Variants in ARHGEF7 observed in about 807,000 individuals in gnomAD.
ARHGEF7 encodes the protein Rho guanine nucleotide exchange factor 7, also known as PAK-interacting exchange factor beta.
In ARHGEF7, 33 loss-of-function variants were observed where a neutral mutation model predicts 109.8. That is an observed-to-expected ratio of 0.30 (90% CI 0.23 to 0.40). The LOEUF (loss-of-function observed/expected upper bound fraction) is 0.40. Ranked by LOEUF, ARHGEF7 falls within the 10% of genes least tolerant of loss-of-function variation. The pLI is 1.00. For synonymous variants in ARHGEF7, 458 were observed against 424.6 expected, an observed-to-expected ratio of 1.08 and a Z score of -0.97; for missense variants, 938 against 1,098.5, an observed-to-expected ratio of 0.85 and a Z score of 2.07.
chr13:111,142,870 G>A (rs1346503735), intron 1 of ARHGEF7, among the ~76,000 whole-genome samples: 8 of 152,294 alleles, frequency 5.3e-5, no homozygotes, highest in Middle Eastern at 3.4e-3. Flanking sequence ...CTAGGTGGCC[G>A]GGTTCAGTCT....
rs1340879355 is a variant in ARHGEF7 at position 111,274,726 on chromosome 13, CAA to C, written c.1213-3_1213-2del. 2.7e-6 allele frequency: 4 copies of C among 1,467,614 alleles called. No homozygotes were observed. The highest frequency in any genetic ancestry group is 3.6e-6 in the Non-Finnish European group (4 of 1,102,658). 90.9% of individuals were successfully genotyped at this position (1,467,614 alleles called of 1,614,324 possible). ...AAGCTAATTGTATGTTTCTTTTACT[CAA>C]AGGATTATCATACAGATAGACAAGA... On this transcript the variant is annotated splice_region_variant and splice_polypyrimidine_tract_variant and intron_variant, in intron 10 of 21. Transcript: ENST00000646102.
chr13:111,127,847 A>G (rs1403874851), intron 1 of ARHGEF7, among the ~76,000 whole-genome samples: 1 of 152,138 alleles, frequency 6.6e-6, no homozygotes, highest in Admixed American at 6.5e-5. Flanking sequence ...AATCAATTTC[A>G]GCATTACATG....
intron 2 of ARHGEF7, among the ~76,000 whole-genome samples, chr13:111,164,984 A>C (rs1053792493): frequency 6.6e-6 from 1 of 152,160 alleles, no homozygotes; most frequent in Non-Finnish European, 1.5e-5. Flanking sequence ...TTTCTAAAGG[A>C]TCCTTTTGGG....
rs189738376 is a variant in ARHGEF7, at chr13:111,131,112, G to T, written c.165+15421G>T. Among the ~76,000 whole-genome samples, 275 of 152,332 alleles carry T rather than the reference G, an allele frequency of 1.8e-3. No homozygotes were observed. The highest frequency in any genetic ancestry group is 5.9e-3 in the African/African-American group (247 of 41,570). On this transcript the variant is annotated intron_variant, in intron 1 of 21. Transcript: ENST00000646102. This position sits in a 1 kb window ranked among gnomAD's most constrained non-coding sequence, Gnocchi z 4.4. ...TTGAAAACAATACTCTAGCCATAGC[G>T]TGGAGAACAGATGAAATGAGCCCAG...
rs748667086 is a variant in ARHGEF7 at position 111,154,026 on chromosome 13, C to T, written c.252+35C>T. 5.7e-6 allele frequency: 9 copies of T among 1,576,238 alleles called. No individual in the cohort carries two copies. The Admixed American group carries it at 1.0e-4, about 18-fold the overall frequency. ...GGCGGCCACGGGCCGAGGGAGGGGC[C>T]GGGAAGACGGGGTTGGGCCCGGGGT... On this transcript the variant is annotated intron_variant, in intron 2 of 21. Transcript: ENST00000646102.
chr13:111,202,248 A>AT (rs2081292368), intron 2 of ARHGEF7, among the ~76,000 whole-genome samples: 1 of 152,228 alleles, frequency 6.6e-6, no homozygotes, highest in Non-Finnish European at 1.5e-5. Flanking sequence ...CTGTGCTGGC[A>AT]TTGAGGCTTC....
chr13:111,235,778 A>T (rs776437675), intron 6 of ARHGEF7, among the ~76,000 whole-genome samples: 3 of 152,234 alleles, frequency 2.0e-5, no homozygotes, highest in Non-Finnish European at 4.4e-5. Context: ...ATGATAGATA[A>T]TGTGTTAGGC....
chr13:111,293,760 A>G, intron 19 of ARHGEF7: 2 of 985,292 alleles, frequency 2.0e-6, no homozygotes, highest in South Asian at 4.7e-5. Context: ...GGTGGCCGTG[A>G]TTTCTTTCTT....
intron 6 of ARHGEF7, 30 bp from the exon 7 acceptor site, chr13:111,243,842 C>T (rs1257080510): frequency 7.7e-6 from 11 of 1,436,730 alleles, no homozygotes; most frequent in Non-Finnish European, 9.7e-6. Flanking sequence ...ATTGAAATGT[C>T]AAATAACACT....
intron 6 of ARHGEF7, among the ~76,000 whole-genome samples, chr13:111,234,549 A>G (rs2086538911): frequency 1.3e-5 from 2 of 151,972 alleles, no homozygotes; most frequent in South Asian, 4.2e-4. Flanking sequence ...TGTTGCCTCC[A>G]TTTTTACTGC....
rs145162110 is a variant in ARHGEF7 at position 111,150,740 on chromosome 13, T to A, written c.166-3165T>A. On this transcript the variant is annotated intron_variant, in intron 1 of 21. Coordinates refer to ENST00000646102, the MANE Select transcript of ARHGEF7 (RefSeq NM_001354046.2). ...CAAGCTTTACAATAAAGTTCCCTCG[T>A]GTAGTGTGCCTTGAAAGTTTGTATT... is the stretch of plus-strand genomic sequence containing the variant. Among the ~76,000 whole-genome samples, 147 of 152,276 alleles carry A rather than the reference T, an allele frequency of 9.7e-4. 2 individuals are homozygous for A. In the East Asian group the frequency reaches 0.025, roughly 26 times the overall value.
intron 2 of ARHGEF7, among the ~76,000 whole-genome samples, chr13:111,162,439 C>A (rs561536117): frequency 6.6e-6 from 1 of 152,186 alleles, no homozygotes; most frequent in Non-Finnish European, 1.5e-5. Context: ...AGTAACCTTG[C>A]ATGGCACTGG....
intron 8 of ARHGEF7, among the ~76,000 whole-genome samples, chr13:111,265,046 C>A (rs2091475719): frequency 6.8e-6 from 1 of 147,742 alleles, no homozygotes; most frequent in African/African-American, 2.5e-5. Context: ...ATCGCTTGAA[C>A]CGGGAAGGCG....
intron 16 of ARHGEF7, among the ~76,000 whole-genome samples, chr13:111,284,397 T>A (rs148773987): frequency 1.3e-5 from 2 of 152,224 alleles, no homozygotes; most frequent in Non-Finnish European, 2.9e-5. Flanking sequence ...TTTTATGATA[T>A]CTTTCAGGTA....
intron 1 of ARHGEF7, among the ~76,000 whole-genome samples, chr13:111,147,200 T>C (rs989341372): frequency 1.3e-5 from 2 of 152,214 alleles, no homozygotes; most frequent in Non-Finnish European, 2.9e-5. Flanking sequence ...CTTTCATCTC[T>C]CTTGGGTAAA....
chr13:111,272,640 C>CGGGG lies in ARHGEF7; in HGVS notation c.1074-1172_1074-1169dup, dbSNP rs1464602099. On this transcript the variant is annotated intron_variant, in intron 9 of 21. Coordinates refer to ENST00000646102, the MANE Select transcript of ARHGEF7 (RefSeq NM_001354046.2). This position sits in a 1 kb window ranked among gnomAD's most constrained non-coding sequence, Gnocchi z 5.2. ...TCTAGGATGGGGCGTGGTGATGGGG[C>CGGGG]GGGGGTCACCTGGGTCTCCTGGATG... Among the ~76,000 whole-genome samples the CGGGG allele has an allele frequency of 1.3e-5, 2 of 152,020 alleles. No homozygotes were observed. The highest frequency in any genetic ancestry group is 2.9e-5 in the Non-Finnish European group (2 of 67,990).
intron 3 of ARHGEF7, among the ~76,000 whole-genome samples, chr13:111,205,652 T>C (rs920353983): frequency 6.6e-6 from 1 of 152,128 alleles, no homozygotes; most frequent in Non-Finnish European, 1.5e-5. Context: ...CTAGTTCTTA[T>C]GGGAAGGCTC....
At chr13:111,128,384 T>A (rs997550215) in intron 1 of ARHGEF7, among the ~76,000 whole-genome samples, 1 of 152,198 alleles carries the variant, frequency 6.6e-6, no homozygotes, top group South Asian at 2.1e-4. Context: ...TCCCAGCTAC[T>A]CAGGAGGCTG....
chr13:111,148,296 CA>C (rs1342614694), intron 1 of ARHGEF7, among the ~76,000 whole-genome samples: 1 of 152,248 alleles, frequency 6.6e-6, no homozygotes, highest in African/African-American at 2.4e-5. Flanking sequence ...CCCAAGGGGT[CA>C]AGTGACTTGT....
Sources: allele counts gnomAD v4.1 joint callset (sites outside exome capture counted in the v4.1 genomes callset), GRCh38; gene constraint gnomAD v4.1.1; non-coding constraint Gnocchi (gnomAD v3.1); transcripts MANE v1.5; gene names NCBI Gene and HGNC (gene_info 2026-07-23, HGNC 2026-07-21).